Variants in MORN3 observed in about 807,000 individuals in gnomAD.
MORN3 encodes MORN repeat-containing protein 3.
Under a neutral mutation model 34.7 loss-of-function variants are expected in MORN3, and 38 were observed. The ratio of observed to expected loss-of-function variants is 1.10; its 90% CI spans 0.85 to 1.44. MORN3 has a LOEUF of 1.44. Among genes scored for constraint, MORN3 ranks in the 40% most tolerant of loss-of-function variants. The pLI, the probability that MORN3 is intolerant of heterozygous loss-of-function variation, is 0.00. For synonymous variants in MORN3, 109 were observed against 115.3 expected (o/e 0.95, Z 0.35); for missense variants, 311 against 321.7 (o/e 0.97, Z 0.25).
In MORN3 at chr12:121,652,710, G is replaced by T; in HGVS notation, c.*6+18C>A. On this transcript the variant is annotated intron_variant, in intron 5 of 5. Transcript: ENST00000355329. The stretch of plus-strand genomic sequence containing the variant: ...GCCTCAGCCACATCAGAACTTGGCA[G>T]GTGTGCCCACCCCTCACCTGGCATC... The T allele has an allele frequency of 6.2e-7, 1 of 1,612,612 alleles. No homozygotes were observed. The highest frequency in any genetic ancestry group is 8.5e-7 in the Non-Finnish European group (1 of 1,178,654).
At chr12:121,669,826 A>AT (rs1244292367), upstream of MORN3, among the ~76,000 whole-genome samples, 2 of 116,814 alleles carry the variant, frequency 1.7e-5, no homozygotes, top group African/African-American at 7.7e-5. Context: ...ATATATATAT[A>AT]TATATATTTT....
At chr12:121,660,623 G>T (rs77108785) in intron 1 of MORN3, among the ~76,000 whole-genome samples, 2 of 149,426 alleles carry the variant, frequency 1.3e-5, no homozygotes, top group Non-Finnish European at 3.0e-5. Flanking sequence ...TACTGGGATT[G>T]CAGGCATGAG....
chr12:121,659,135 GCGCACA>G (rs1188649517), intron 2 of MORN3, 50 bp downstream of exon 2: 25 of 1,283,056 alleles, frequency 1.9e-5, no homozygotes, highest in Admixed American at 8.8e-5. Flanking sequence ...ACACACACGC[GCGCACA>G]CACACACACA....
intron 3 of MORN3, 126 bp from the exon 4 acceptor site, chr12:121,653,385 G>T: frequency 1.0e-6 from 1 of 987,836 alleles, no homozygotes; most frequent in Non-Finnish European, 1.5e-6. Flanking sequence ...AGGCTCATAA[G>T]CCCAGGAGAT....
At chr12:121,668,674 A>C (rs1303307795) in intron 1 of MORN3, among the ~76,000 whole-genome samples, 1 of 152,138 alleles carries the variant, frequency 6.6e-6, no homozygotes, top group Non-Finnish European at 1.5e-5. Flanking sequence ...TGAAGGCACC[A>C]CTGCACTCCA....
At chr12:121,657,539 C>T (rs575821397) in intron 2 of MORN3, among the ~76,000 whole-genome samples, 1 of 152,150 alleles carries the variant, frequency 6.6e-6, no homozygotes, top group East Asian at 1.9e-4. Flanking sequence ...AAAAACTCTG[C>T]AGCCAGAATG....
chr12:121,654,338 G>C lies in MORN3; in HGVS notation c.399C>G (p.Asn133Lys). ...CCCACTGTCCCTCGTAGATGTCGCCGTTGCTGTAATACATGCGGCCCCACC... is the reference window on the plus strand; with the variant it reads ...CCCACTGTCCCTCGTAGATGTCGCCCTTGCTGTAATACATGCGGCCCCACC... ...RSGWGRMYYSNGDIYEGQWEN... is the reference protein window; with the variant it reads ...RSGWGRMYYSKGDIYEGQWEN... The change falls in exon 3 of 6, where the codon AAC (asparagine) becomes AAG (lysine). Residue 133 changes from asparagine (N) to lysine (K), a missense_variant. By Grantham distance (94) the Asn-to-Lys change is moderately conservative. Transcript: ENST00000355329. 1 of 1,602,966 alleles carries C rather than the reference G, an allele frequency of 6.2e-7. No individual in the cohort carries two copies. The highest frequency in any genetic ancestry group is 1.1e-5 in the South Asian group (1 of 88,722).
Position 121,659,147 on chromosome 12 carries a change from A to ACACG in MORN3, c.303+43_303+44insCGTG, listed in dbSNP as rs775137281. The ACACG allele has an allele frequency of 1.9e-6, 3 of 1,546,460 alleles. No homozygotes were observed. In the African/African-American group the frequency reaches 4.2e-5, roughly 22 times the overall value. On this transcript the variant is annotated intron_variant, in intron 2 of 5. Coordinates refer to ENST00000355329, the MANE Select transcript of MORN3 (RefSeq NM_173855.5). The stretch of plus-strand genomic sequence containing the variant: ...TAAACACACACGCGCGCACACACAC[A>ACACG]CACACACACACACACACACACCCCG...
chr12:121,672,032 C>T (rs975963824), upstream of MORN3, among the ~76,000 whole-genome samples: 3 of 152,222 alleles, frequency 2.0e-5, no homozygotes, highest in Non-Finnish European at 2.9e-5. Flanking sequence ...CACACCTCAT[C>T]AGTGTAACCT....
At chr12:121,661,373 A>G (rs1893575395) in intron 1 of MORN3, among the ~76,000 whole-genome samples, 1 of 152,160 alleles carries the variant, frequency 6.6e-6, no homozygotes, top group South Asian at 2.1e-4. Context: ...ACAAGCACAC[A>G]CCAGTACACC....
intron 1 of MORN3, among the ~76,000 whole-genome samples, chr12:121,662,549 A>G (rs1447755567): frequency 1.3e-5 from 2 of 151,906 alleles, no homozygotes; most frequent in African/African-American, 2.4e-5. Context: ...AGGTCAGGAG[A>G]TCGAGACCAT....
intron 3 of MORN3, among the ~76,000 whole-genome samples, 189 bp from the exon 4 acceptor site, chr12:121,653,448 T>A (rs930705359): frequency 2.0e-5 from 3 of 151,982 alleles, no homozygotes; most frequent in Non-Finnish European, 4.4e-5. Flanking sequence ...AAAAAAAAAT[T>A]TTTTTAATTA....
Position 121,669,433 on chromosome 12 carries a change from C to T in MORN3, c.51G>A (p.Trp17Ter). The T allele has an allele frequency of 6.2e-7, 1 of 1,614,072 alleles. No homozygotes were observed. Among genetic ancestry groups the T allele is most frequent in the Non-Finnish European group, 8.5e-7 (1 of 1,179,938 alleles). The change falls in exon 1 of 6, where the codon TGG becomes TGA. Residue 17 changes from tryptophan to a stop codon, truncating the protein, a stop_gained. Transcript: ENST00000355329. LOFTEE classifies it high-confidence loss of function. The stretch of plus-strand genomic sequence containing the variant: ...GGCCGTTCCTCTGGGCCTTCCGGTC[C>T]CACCCCTTCCACAGGGACTCCGACT... The part of the protein sequence containing the change: ...PKKSESLWKG[W>*]DRKAQRNGLR...
At position 121,659,209 on chromosome 12, in the gene MORN3, C is replaced by T; in HGVS notation, c.285G>A (p.Trp95Ter). 6.2e-7 allele frequency: 1 copy of T among 1,613,762 alleles called. No homozygotes were observed. The highest frequency in any genetic ancestry group is 8.5e-7 in the Non-Finnish European group (1 of 1,179,800). The change falls in exon 2 of 6, where the codon TGG becomes TGA. Residue 95 changes from tryptophan (W) to a stop codon, truncating the protein, a stop_gained. Coordinates refer to ENST00000355329, the MANE Select transcript of MORN3 (RefSeq NM_173855.5). LOFTEE classifies it high-confidence loss of function. ...GKCRRVYSGW[W>*]KGDKKSGYGI... ...TGCTCACCGATTTCTTATCACCTTT[C>T]CACCAGCCTGAGTAGACTCTCCTGC...
rs767289150 is a variant in MORN3 at position 121,669,495 on chromosome 12, C to T, written c.-12G>A. 7 of 1,612,846 alleles carry T rather than the reference C, an allele frequency of 4.3e-6. No homozygotes were observed. The East Asian group carries it at 6.7e-5, about 15-fold the overall frequency. ...TTAGAGACTGGCATGGTGGCTGCTT[C>T]TGCAAGGCTGGAGGGTGCTGGAAAG... On this transcript the variant is annotated 5_prime_UTR_variant, in exon 1 of 6. Coordinates refer to ENST00000355329, the MANE Select transcript of MORN3 (RefSeq NM_173855.5).
At chr12:121,664,102 C>G (rs1015144238) in intron 1 of MORN3, among the ~76,000 whole-genome samples, 4 of 152,190 alleles carry the variant, frequency 2.6e-5, no homozygotes, top group Non-Finnish European at 5.9e-5. Context: ...CACACCCACC[C>G]GGGCCTGCAA....
intron 1 of MORN3, among the ~76,000 whole-genome samples, chr12:121,666,601 G>A (rs1218957712): frequency 6.6e-6 from 1 of 151,988 alleles, no homozygotes; most frequent in Non-Finnish European, 1.5e-5. Context: ...ATACTTGCAG[G>A]AGGAGAGAAA....
Position 121,649,371 on chromosome 12 carries a change from T to C in MORN3, c.*2280A>G, listed in dbSNP as rs746045504. 1 of 152,234 alleles carries C rather than the reference T, an allele frequency of 6.6e-6. No individual in the cohort carries two copies. The highest frequency in any genetic ancestry group is 1.9e-4 in the East Asian group (1 of 5,198). 9.4% of individuals were successfully genotyped at this position (152,234 alleles called of 1,614,324 possible). A position where few individuals can be genotyped will look rare whatever the true frequency, so the allele number is the denominator to read the frequency against. On this transcript the variant is annotated 3_prime_UTR_variant, in exon 6 of 6. Coordinates refer to ENST00000355329, the MANE Select transcript of MORN3 (RefSeq NM_173855.5). ...TCCTCCCTGAACCTGTTTCCTCCTCTAAAATGGCAGTAATAGCAAGACACC... is the reference window on the plus strand; with the variant it reads ...TCCTCCCTGAACCTGTTTCCTCCTCCAAAATGGCAGTAATAGCAAGACACC...
upstream of MORN3, among the ~76,000 whole-genome samples, chr12:121,670,557 C>T (rs139120171): frequency 0.038 from 5,794 of 152,238 alleles, 213 homozygotes; most frequent in African/African-American, 0.094. Context: ...GCCTGTAATC[C>T]CAGCACTTTG....
Sources: allele counts gnomAD v4.1 joint callset (sites outside exome capture counted in the v4.1 genomes callset), GRCh38; gene constraint gnomAD v4.1.1; transcripts MANE v1.5; gene names NCBI Gene and HGNC (gene_info 2026-07-23, HGNC 2026-07-21).